APOLD1: variants seen among roughly 807,000 people sequenced by gnomAD.
The protein encoded by APOLD1 is apolipoprotein L domain-containing protein 1.
Under a neutral mutation model 15.3 loss-of-function variants are expected in APOLD1, and 22 were observed. The observed-to-expected ratio is 1.44, with a 90% CI of 1.03 to 2.05. APOLD1 has a LOEUF of 2.05. APOLD1 is among the 30% of genes most tolerant of loss of function. The pLI is 0.00. For synonymous variants in APOLD1, 190 were observed against 167.4 expected, an observed-to-expected ratio of 1.13 and a Z score of -1.04; for missense variants, 394 against 353.5, an observed-to-expected ratio of 1.11 and a Z score of -0.92.
chr12:12,760,650 A>C (rs539879159), intron 1 of APOLD1, among the ~76,000 whole-genome samples: 4 of 151,832 alleles, frequency 2.6e-5, no homozygotes, highest in South Asian at 2.1e-4. Flanking sequence ...AAAAAAAAAA[A>C]AAAAACAACC....
intron 1 of APOLD1, among the ~76,000 whole-genome samples, chr12:12,729,490 C>T (rs541541177): frequency 6.6e-6 from 1 of 152,100 alleles, no homozygotes; most frequent in Admixed American, 6.5e-5. Context: ...GAACGCCTGG[C>T]CTCAAGTGAT....
chr12:12,740,084 C>T (rs762292919), intron 1 of APOLD1, among the ~76,000 whole-genome samples: 11 of 151,774 alleles, frequency 7.2e-5, no homozygotes, highest in Non-Finnish European at 1.3e-4. Context: ...CAGGTTCAAG[C>T]GATTCTCCTG....
chr12:12,732,656 C>T (rs1350381801), intron 1 of APOLD1, among the ~76,000 whole-genome samples: 3 of 146,420 alleles, frequency 2.0e-5, no homozygotes, highest in Admixed American at 7.1e-5. Flanking sequence ...ACCTGGGAGG[C>T]GGAGGTTGAA....
chr12:12,790,547 AC>A lies in APOLD1; in HGVS notation c.*2896del, dbSNP rs1947177058. 6.6e-6 allele frequency: 1 copy of A among 152,072 alleles called. No individual in the cohort carries two copies. The highest frequency in any genetic ancestry group is 1.9e-4 in the East Asian group (1 of 5,192). 9.4% of individuals were successfully genotyped at this position (152,072 alleles called of 1,614,324 possible). A position where few individuals can be genotyped will look rare whatever the true frequency, so the allele number is the denominator to read the frequency against. On this transcript the variant is annotated 3_prime_UTR_variant, in exon 2 of 2. Transcript: ENST00000356591. ...GCAGCAACAGTAACAGCAGCAGCAA[AC>A]TTTTCCTCTCATATTTTGGGTGTAT...
intron 1 of APOLD1, among the ~76,000 whole-genome samples, chr12:12,775,372 T>C (rs1185135713): frequency 6.6e-6 from 1 of 152,180 alleles, no homozygotes; most frequent in Non-Finnish European, 1.5e-5. Context: ...TAATGGTGGA[T>C]ACATGTCATT....
chr12:12,789,422 A>G lies in APOLD1; in HGVS notation c.*1770A>G, dbSNP rs1023971102. The G allele has an allele frequency of 7.9e-5, 12 of 152,260 alleles. No homozygotes were observed. Among genetic ancestry groups the G allele is most frequent in the African/African-American group, 2.7e-4 (11 of 41,464 alleles). The allele number at this position is 152,260 out of a possible 1,614,324, so 9.4% of individuals were successfully genotyped here. On this transcript the variant is annotated 3_prime_UTR_variant, in exon 2 of 2. Coordinates refer to ENST00000356591, the MANE Select transcript of APOLD1 (RefSeq NM_030817.3). Reference sequence around the variant, plus strand: ...AATGGAAGCTTGCATTGTGGGATATATAACTGAGGAAGCATATTTATCCTG... The same window carrying G: ...AATGGAAGCTTGCATTGTGGGATATGTAACTGAGGAAGCATATTTATCCTG...
chr12:12,782,473 G>C (rs182942236), upstream of APOLD1, among the ~76,000 whole-genome samples: 76 of 152,236 alleles, frequency 5.0e-4, no homozygotes, highest in East Asian at 0.013. Flanking sequence ...ATGGTTCGAG[G>C]ACTCAGAATT....
chr12:12,763,271 G>A (rs1946916155), intron 1 of APOLD1, among the ~76,000 whole-genome samples: 2 of 151,742 alleles, frequency 1.3e-5, no homozygotes, highest in African/African-American at 2.4e-5. Context: ...TGTATGCGGC[G>A]AGAACATTTA....
intron 1 of APOLD1, among the ~76,000 whole-genome samples, chr12:12,732,925 G>T (rs1946652718): frequency 6.6e-6 from 1 of 152,044 alleles, no homozygotes; most frequent in Non-Finnish European, 1.5e-5. Context: ...TAGGGTTACA[G>T]AATTGATTAT....
intron 1 of APOLD1, among the ~76,000 whole-genome samples, chr12:12,751,859 G>C (rs1946814354): frequency 6.6e-6 from 1 of 152,242 alleles, no homozygotes; most frequent in South Asian, 2.1e-4. Flanking sequence ...AAGAAGGACA[G>C]AGGAAGAGTC....
At chr12:12,730,506 C>A (rs1252236825) in intron 1 of APOLD1, among the ~76,000 whole-genome samples, 1 of 151,422 alleles carries the variant, frequency 6.6e-6, no homozygotes, top group African/African-American at 2.4e-5. Flanking sequence ...CATGGTGAAA[C>A]CCCATCTCTA....
chr12:12,764,756 A>G (rs747374787), intron 1 of APOLD1: 2 of 478,770 alleles, frequency 4.2e-6, no homozygotes, highest in Admixed American at 4.1e-5. Context: ...TGCATCTCAC[A>G]TGGTGTTCTT....
intron 1 of APOLD1, among the ~76,000 whole-genome samples, chr12:12,729,568 C>G (rs1487820703): frequency 3.3e-5 from 5 of 151,898 alleles, no homozygotes; most frequent in Non-Finnish European, 5.9e-5. Flanking sequence ...CTGGGAGGAG[C>G]TCTTGCGGCC....
intron 1 of APOLD1, among the ~76,000 whole-genome samples, chr12:12,750,976 A>G (rs1305052305): frequency 1.3e-5 from 2 of 148,494 alleles, no homozygotes; most frequent in African/African-American, 5.0e-5. Context: ...TTTGGTAGAG[A>G]TGGGATTTCA....
chr12:12,761,497 A>C (rs534950839), intron 1 of APOLD1, among the ~76,000 whole-genome samples: 14 of 152,100 alleles, frequency 9.2e-5, no homozygotes, highest in African/African-American at 3.1e-4. Context: ...TCAAATTCAA[A>C]ATATGTATGC....
intron 1 of APOLD1, among the ~76,000 whole-genome samples, chr12:12,762,040 G>C (rs1946905327): frequency 6.6e-6 from 1 of 151,998 alleles, no homozygotes; most frequent in Admixed American, 6.6e-5. Flanking sequence ...GTGGGATCTT[G>C]CTATGTTGCC....
At chr12:12,733,594 G>T (rs1215611608) in intron 1 of APOLD1, among the ~76,000 whole-genome samples, 3 of 152,014 alleles carry the variant, frequency 2.0e-5, no homozygotes, top group Non-Finnish European at 4.4e-5. Flanking sequence ...AACCATGAAG[G>T]TATTTCAATT....
rs1592312412 is a variant in APOLD1 at position 12,787,735 on chromosome 12, A to C, written c.*83A>C. On this transcript the variant is annotated 3_prime_UTR_variant, in exon 2 of 2. Coordinates refer to ENST00000356591, the MANE Select transcript of APOLD1 (RefSeq NM_030817.3). The surrounding 1 kb of genome is among the most constrained non-coding windows in gnomAD (Gnocchi z 4.9). ...GAATTTGTAGCTCCCTTAGGAAAACACCAAGCTGGGTTAGGAGCCGAAGGC... is the reference window on the plus strand; with the variant it reads ...GAATTTGTAGCTCCCTTAGGAAAACCCCAAGCTGGGTTAGGAGCCGAAGGC... 3.3e-6 allele frequency: 5 copies of C among 1,502,736 alleles called. No individual in the cohort carries two copies. The East Asian group carries it at 1.1e-4, about 34-fold the overall frequency. The allele number at this position is 1,502,736 out of a possible 1,614,324, so 93.1% of individuals were successfully genotyped here.
chr12:12,759,554 T>TTTG lies in APOLD1; in HGVS notation c.97-27339_97-27337dup, dbSNP rs59563059. Among the ~76,000 whole-genome samples the TTTG allele has an allele frequency of 5.3e-5, 8 of 152,246 alleles. No homozygotes were observed. In the East Asian group the frequency reaches 9.6e-4, roughly 18 times the overall value. ...TAAGGTTATGCAATAGATATCTGTT[T>TTTG]TTGTTGTTGTTGTTGTTGCTGCTGC... is the stretch of plus-strand genomic sequence containing the variant. On this transcript the variant is annotated intron_variant, in intron 1 of 1. Transcript: ENST00000326765.
Sources: gnomAD v4.1 joint callset for allele counts (sites outside exome capture counted in the v4.1 genomes callset) on GRCh38, gnomAD v4.1.1 for gene constraint, Gnocchi (gnomAD v3.1) non-coding constraint, MANE v1.5 for transcripts, NCBI Gene and HGNC (gene_info 2026-07-23, HGNC 2026-07-21) for gene names.